FHIT: variants seen among roughly 807,000 people sequenced by gnomAD.
FHIT encodes fragile histidine triad diadenosine triphosphatase.
In FHIT, 19 loss-of-function variants were observed where a neutral mutation model predicts 17.9. The observed-to-expected ratio is 1.06, with a 90% confidence interval of 0.74 to 1.56. The LOEUF is 1.56. Among genes scored for constraint, FHIT ranks in the 40% most tolerant of loss-of-function variants. FHIT has a pLI of 0.00. For missense variants in FHIT, 248 were observed against 189.2 expected (o/e 1.31, Z -1.82); for synonymous variants, 81 against 69.7 (o/e 1.16, Z -0.81).
intron 5 of FHIT, among the ~76,000 whole-genome samples, chr3:60,499,406 T>G (rs242226): frequency 0.02 from 3,029 of 152,200 alleles, 35 homozygotes; most frequent in Non-Finnish European, 0.032. Context: ...GTCTTCGTGT[T>G]TTTGAAACGG....
intron 4 of FHIT, among the ~76,000 whole-genome samples, chr3:60,769,708 G>A (rs967634816): frequency 6.6e-6 from 1 of 152,218 alleles, no homozygotes; most frequent in Non-Finnish European, 1.5e-5. Flanking sequence ...AACGCAGTTT[G>A]AACATTCAGC....
At chr3:60,732,534 T>C (rs2042050997) in intron 4 of FHIT, 1 of 656,776 alleles carries the variant, frequency 1.5e-6, no homozygotes, top group African/African-American at 1.8e-5. Context: ...GCACGAAAGT[T>C]TTCTGCTGTC....
intron 3 of FHIT, among the ~76,000 whole-genome samples, chr3:60,985,784 G>A (rs1710698422): frequency 6.6e-6 from 1 of 152,192 alleles, no homozygotes; most frequent in African/African-American, 2.4e-5. Context: ...CACAAACTTA[G>A]TGGCTTAAAA....
rs1559547674 is a variant in FHIT, at chr3:60,569,746, TATATA to T, written c.-17-32772_-17-32768del. On this transcript the variant is annotated intron_variant, in intron 4 of 9. Coordinates refer to ENST00000492590, the MANE Select transcript of FHIT (RefSeq NM_002012.4). ...AATACTATATATATATATATATATA[TATATA>T]TATATTTTTTTTTTTTTTAGACAGA... Among the ~76,000 whole-genome samples, 93 of 81,632 alleles carry T rather than the reference TATATA, an allele frequency of 1.1e-3. 2 individuals are homozygous for T. Among genetic ancestry groups the T allele is most frequent in the Middle Eastern group, 6.1e-3 (1 of 164 alleles). The allele number at this position is 81,632 out of a possible 152,430, so 53.6% of individuals were successfully genotyped here. A position where few individuals can be genotyped will look rare whatever the true frequency, so the allele number is the denominator to read the frequency against.
chr3:60,776,768 A>C (rs1410736919), intron 4 of FHIT, among the ~76,000 whole-genome samples: 1 of 152,268 alleles, frequency 6.6e-6, no homozygotes, highest in Non-Finnish European at 1.5e-5. Flanking sequence ...GTATGAGAAC[A>C]GTAAAATGTG....
intron 5 of FHIT, among the ~76,000 whole-genome samples, chr3:60,461,845 G>A (rs1319910812): frequency 6.6e-6 from 1 of 152,122 alleles, no homozygotes; most frequent in African/African-American, 2.4e-5. Flanking sequence ...TATTTTGAAT[G>A]TGTTTGATAC....
chr3:60,936,691 A>G (rs1249496217), intron 3 of FHIT, among the ~76,000 whole-genome samples: 2 of 152,138 alleles, frequency 1.3e-5, no homozygotes, highest in Non-Finnish European at 2.9e-5. Context: ...GTGACTGACA[A>G]TTTTCTAAAA....
chr3:60,776,765 A>G (rs1312400073), intron 4 of FHIT, among the ~76,000 whole-genome samples: 1 of 152,246 alleles, frequency 6.6e-6, no homozygotes, highest in Non-Finnish European at 1.5e-5. Context: ...GGTGTATGAG[A>G]ACAGTAAAAT....
chr3:60,074,365 G>T (rs1702913475), intron 5 of FHIT, among the ~76,000 whole-genome samples: 1 of 151,832 alleles, frequency 6.6e-6, no homozygotes. Flanking sequence ...TACTTCTATG[G>T]TATTACCTCT....
intron 7 of FHIT, among the ~76,000 whole-genome samples, chr3:59,975,672 C>T (rs1708378263): frequency 6.6e-6 from 1 of 151,968 alleles, no homozygotes; most frequent in Admixed American, 6.6e-5. Context: ...AGAAGCGTTA[C>T]AGGAAGAATC....
At chr3:60,126,100 T>C (rs1416093756) in intron 5 of FHIT, among the ~76,000 whole-genome samples, 1 of 152,118 alleles carries the variant, frequency 6.6e-6, no homozygotes, top group African/African-American at 2.4e-5. Flanking sequence ...AAACAAGAAC[T>C]TGGTCTGATC....
chr3:60,160,899 C>T (rs1039108242), intron 5 of FHIT, among the ~76,000 whole-genome samples: 5 of 151,584 alleles, frequency 3.3e-5, no homozygotes, highest in African/African-American at 1.2e-4. Flanking sequence ...GAACAACAGA[C>T]AATATGATCC....
At chr3:61,207,795 G>A (rs900510083) in intron 1 of FHIT, among the ~76,000 whole-genome samples, 6 of 152,064 alleles carry the variant, frequency 3.9e-5, no homozygotes, top group African/African-American at 1.4e-4. Context: ...ATTTTTTGAA[G>A]GGTTTTTTGT....
intron 4 of FHIT, among the ~76,000 whole-genome samples, chr3:60,593,787 C>T (rs2038170959): frequency 6.6e-6 from 1 of 152,044 alleles, no homozygotes; most frequent in African/African-American, 2.4e-5. Flanking sequence ...GAATTAAGAA[C>T]TCAGAGACAG....
At chr3:60,079,612 C>T (rs978274497) in intron 5 of FHIT, among the ~76,000 whole-genome samples, 11 of 151,948 alleles carry the variant, frequency 7.2e-5, no homozygotes, top group Admixed American at 5.9e-4. Context: ...ACCCTACCTT[C>T]TCTTATTTTT....
chr3:60,356,678 G>A (rs374752341), intron 5 of FHIT, among the ~76,000 whole-genome samples: 54 of 132,482 alleles, frequency 4.1e-4, no homozygotes, highest in African/African-American at 1.4e-3. Context: ...CTTGATTTGA[G>A]ACTGACAAAA....
intron 3 of FHIT, among the ~76,000 whole-genome samples, chr3:60,825,920 G>A (rs1456415878): frequency 6.6e-6 from 1 of 152,104 alleles, no homozygotes; most frequent in African/African-American, 2.4e-5. Context: ...CAAAGAAAGT[G>A]GAGGGTGGAG....
At chr3:60,948,128 A>C (rs1708717238) in intron 3 of FHIT, among the ~76,000 whole-genome samples, 1 of 152,114 alleles carries the variant, frequency 6.6e-6, no homozygotes. Context: ...TCTTTTCCTT[A>C]ATTGTCCTCA....
At chr3:60,087,280 G>C (rs1165899244) in intron 5 of FHIT, among the ~76,000 whole-genome samples, 1 of 152,138 alleles carries the variant, frequency 6.6e-6, no homozygotes, top group East Asian at 1.9e-4. Flanking sequence ...TGATAGGAGG[G>C]GTGGTTGTGA....
Sources: gnomAD v4.1 joint callset for allele counts (sites outside exome capture counted in the v4.1 genomes callset) on GRCh38, gnomAD v4.1.1 for gene constraint, MANE v1.5 for transcripts, NCBI Gene and HGNC (gene_info 2026-07-23, HGNC 2026-07-21) for gene names.